The following BTBD9 variants were observed in gnomAD, a reference collection of about 807,000 sequenced individuals.
BTBD9 encodes the protein BTB domain containing 9, also known as BTB/POZ domain-containing protein 9.
Under a neutral mutation model 64.3 loss-of-function variants are expected in BTBD9, and 49 were observed. The observed-to-expected ratio is 0.76, with a 90% CI of 0.61 to 0.97. The LOEUF is 0.97. Ranked by LOEUF, BTBD9 falls within the 50% of genes least tolerant of loss-of-function variation. BTBD9 has a pLI of 0.00. For missense variants in BTBD9, 598 were observed against 762.1 expected, an observed-to-expected ratio of 0.78 and a Z score of 2.53; for synonymous variants, 260 against 274.7, an observed-to-expected ratio of 0.95 and a Z score of 0.53.
At chr6:38,557,777 C>A (rs908861972) in intron 6 of BTBD9, among the ~76,000 whole-genome samples, 1 of 146,670 alleles carries the variant, frequency 6.8e-6, no homozygotes, top group African/African-American at 2.5e-5. Context: ...CTAAGCCTTA[C>A]AAATAAGGGG....
intron 7 of BTBD9, among the ~76,000 whole-genome samples, chr6:38,309,421 T>C (rs1392533605): frequency 6.6e-6 from 1 of 151,854 alleles, no homozygotes; most frequent in Non-Finnish European, 1.5e-5. Flanking sequence ...AGTGGTGGTT[T>C]ATTTAATACT....
intron 9 of BTBD9, among the ~76,000 whole-genome samples, chr6:38,219,294 C>A (rs886064134): frequency 8.1e-6 from 1 of 122,858 alleles, no homozygotes; most frequent in African/African-American, 3.0e-5. Flanking sequence ...GCCACCACAC[C>A]CAGCTAATTT....
At chr6:38,313,669 T>C (rs1327083522) in intron 7 of BTBD9, among the ~76,000 whole-genome samples, 1 of 152,190 alleles carries the variant, frequency 6.6e-6, no homozygotes, top group Non-Finnish European at 1.5e-5. Flanking sequence ...TGATATGATA[T>C]ATCATGTTGA....
intron 1 of BTBD9, among the ~76,000 whole-genome samples, chr6:38,598,985 T>C (rs1399950768): frequency 1.3e-5 from 2 of 152,130 alleles, no homozygotes; most frequent in African/African-American, 4.8e-5. Context: ...TAATGAACAT[T>C]TGCAGTAGCA....
intron 6 of BTBD9, among the ~76,000 whole-genome samples, chr6:38,421,094 C>A (rs914606962): frequency 9.8e-5 from 14 of 142,142 alleles, no homozygotes; most frequent in Admixed American, 8.6e-4. Flanking sequence ...CAGTGGCTCA[C>A]GTCTGTAATC....
rs767011666 is a variant in BTBD9, at chr6:38,592,734, G to A, written c.656C>T (p.Ala219Val). Reference sequence around the variant, plus strand: ...TAAACGCACAGCCTGCATGATTTCAGCATGATTCTCCTTTGAATTGTGCTT... The same window carrying A: ...TAAACGCACAGCCTGCATGATTTCAACATGATTCTCCTTTGAATTGTGCTT... ...WCKHNSKENH[A>V]EIMQAVRLPL... is the part of the protein sequence containing the mutation. The change falls in exon 4 of 11, where the codon GCT becomes GTT. Residue 219 changes from alanine to valine, a missense_variant. Ala to Val is a moderately conservative substitution (Grantham distance 64, BLOSUM62 0). Coordinates refer to ENST00000481247, the MANE Select transcript of BTBD9 (RefSeq NM_001099272.2). 6.2e-7 allele frequency: 1 copy of A among 1,614,062 alleles called. No individual in the cohort carries two copies. The highest frequency in any genetic ancestry group is 8.5e-7 in the Non-Finnish European group (1 of 1,180,044).
intron 9 of BTBD9, among the ~76,000 whole-genome samples, chr6:38,199,269 C>G: frequency 6.6e-6 from 1 of 152,108 alleles, no homozygotes. Flanking sequence ...TCCCTTCCCT[C>G]AATTGGCTTT....
intron 1 of BTBD9, 35 bp from the exon 2 acceptor site, chr6:38,598,156 G>C: frequency 2.0e-6 from 3 of 1,505,790 alleles, no homozygotes; most frequent in Non-Finnish European, 2.7e-6. Flanking sequence ...GTTAGTTGGG[G>C]GAGGGGAGTA....
chr6:38,322,650 T>C (rs949599651), intron 7 of BTBD9, among the ~76,000 whole-genome samples: 1 of 152,220 alleles, frequency 6.6e-6, no homozygotes, highest in African/African-American at 2.4e-5. Context: ...CCGCTCCATT[T>C]TGGGGAGTGA....
In BTBD9 at chr6:38,374,307, G is replaced by GTGTGTATA. The variant is rs1554143563; in HGVS notation, c.1155-29215_1155-29214insTATACACA. ...AGTATATATATATATGTATATATAT[G>GTGTGTATA]TATATATATATATATATATGTATAT... On this transcript the variant is annotated intron_variant, in intron 6 of 10. Transcript: ENST00000481247. Among the ~76,000 whole-genome samples, 3 of 59,094 alleles carry GTGTGTATA rather than the reference G, an allele frequency of 5.1e-5. No individual in the cohort carries two copies. The East Asian group carries it at 1.6e-3, about 31-fold the overall frequency. 38.8% of individuals were successfully genotyped at this position (59,094 alleles called of 152,430 possible).
At chr6:38,351,635 G>A (rs1764519037) in intron 6 of BTBD9, among the ~76,000 whole-genome samples, 2 of 150,012 alleles carry the variant, frequency 1.3e-5, no homozygotes, top group South Asian at 4.3e-4. Flanking sequence ...CCGAGTAGCT[G>A]GGACTACAGG....
rs1766761018 is a variant in BTBD9 at position 38,171,558 on chromosome 6, GTGTGTGTGTGTGTGTGTGT to G, written c.*3408_*3426del. 1 of 414 alleles carries G rather than the reference GTGTGTGTGTGTGTGTGTGT, an allele frequency of 2.4e-3. No individual in the cohort carries two copies. The highest frequency in any genetic ancestry group is 7.4e-3 in the Non-Finnish European group (1 of 136). The allele number at this position is 414 out of a possible 1,614,324, so 0.0% of individuals were successfully genotyped here. A position where few individuals can be genotyped will look rare whatever the true frequency, so the allele number is the denominator to read the frequency against. On this transcript the variant is annotated 3_prime_UTR_variant, in exon 11 of 11. Transcript: ENST00000481247. ...GCACTGAGAAAATGGTAAAACGGGT[GTGTGTGTGTGTGTGTGTGT>G]GTGTGTGTGTGTGTGTGTGTGTGTG... is the stretch of plus-strand genomic sequence containing the variant.
chr6:38,357,975 C>T (rs1416948185), intron 6 of BTBD9, among the ~76,000 whole-genome samples: 1 of 152,150 alleles, frequency 6.6e-6, no homozygotes, highest in Admixed American at 6.5e-5. Flanking sequence ...TATCACCATT[C>T]TGCAGAAAGA....
chr6:38,232,802 G>C (rs1176450671), intron 9 of BTBD9, among the ~76,000 whole-genome samples: 3 of 151,928 alleles, frequency 2.0e-5, no homozygotes, highest in African/African-American at 7.3e-5. Flanking sequence ...CCTGGCTGAG[G>C]CCTTTTTAAA....
rs191548883 is a variant in BTBD9 at position 38,179,093 on chromosome 6, C to G, written c.1642-3911G>C. On this transcript the variant is annotated intron_variant, in intron 10 of 10. Transcript: ENST00000481247. The stretch of plus-strand genomic sequence containing the variant: ...GTCTTGATCTCTTGACCTCATGATC[C>G]GCCCACCTCAGCCTCCCAAAGAGCT... Among the ~76,000 whole-genome samples, 210 of 152,208 alleles carry G rather than the reference C, an allele frequency of 1.4e-3. 2 individuals carry two copies. Among genetic ancestry groups the G allele is most frequent in the Non-Finnish European group, 2.2e-3 (148 of 68,012 alleles).
At chr6:38,523,028 C>T (rs1773336305) in intron 6 of BTBD9, among the ~76,000 whole-genome samples, 3 of 152,168 alleles carry the variant, frequency 2.0e-5, no homozygotes, top group South Asian at 4.2e-4. Flanking sequence ...ACTAAAAATA[C>T]AAAAATTAGC....
At chr6:38,279,000 C>A (rs1416605243) in intron 8 of BTBD9, among the ~76,000 whole-genome samples, 1 of 152,142 alleles carries the variant, frequency 6.6e-6, no homozygotes, top group Non-Finnish European at 1.5e-5. Context: ...AGAGGCAGTG[C>A]AGCAGGCAAA....
intron 6 of BTBD9, among the ~76,000 whole-genome samples, chr6:38,380,641 G>GA (rs1765887559): frequency 6.6e-6 from 1 of 152,196 alleles, no homozygotes; most frequent in Non-Finnish European, 1.5e-5. Flanking sequence ...ATCAATCTGG[G>GA]AAACACAGCA....
chr6:38,238,629 C>T (rs891052324), intron 9 of BTBD9, among the ~76,000 whole-genome samples: 8 of 152,128 alleles, frequency 5.3e-5, no homozygotes, highest in East Asian at 3.9e-4. Context: ...CCCACCACCA[C>T]GCCCAGCTAA....
Sources: gnomAD v4.1 joint callset for allele counts (sites outside exome capture counted in the v4.1 genomes callset) on GRCh38, gnomAD v4.1.1 for gene constraint, MANE v1.5 for transcripts, NCBI Gene and HGNC (gene_info 2026-07-23, HGNC 2026-07-21) for gene names.